Variants in CGAS observed in about 807,000 individuals in gnomAD.
The protein encoded by CGAS is cyclic GMP-AMP synthase.
A neutral mutation model predicts 34.0 loss-of-function variants in CGAS; 31 were observed. The observed-to-expected ratio is 0.91, with a 90% CI of 0.69 to 1.23. The LOEUF (loss-of-function observed/expected upper bound fraction) is 1.23, where lower values mean the gene tolerates loss of function less well. CGAS is among the 50% of genes most tolerant of loss of function. The probability of loss-of-function intolerance (pLI) is 0.00; values close to 1 mark genes in which losing one functional copy is unlikely to be tolerated. For synonymous variants in CGAS, 266 were observed against 260.0 expected (o/e 1.02, Z -0.22); for missense variants, 597 against 657.6 (o/e 0.91, Z 1.01).
chr6:73,449,846 T>C (rs1243404949), intron 1 of CGAS, among the ~76,000 whole-genome samples: 1 of 151,472 alleles, frequency 6.6e-6, no homozygotes, highest in East Asian at 2.0e-4. Context: ...AATACATAAA[T>C]TAGCCGGGAG....
intron 3 of CGAS, among the ~76,000 whole-genome samples, chr6:73,435,981 G>T (rs1176046453): frequency 6.6e-6 from 1 of 151,914 alleles, no homozygotes; most frequent in African/African-American, 2.4e-5. Flanking sequence ...TAAGATAAAA[G>T]GACAGTCAAA....
chr6:73,449,644 A>G (rs1384019569), intron 1 of CGAS, among the ~76,000 whole-genome samples: 1 of 152,210 alleles, frequency 6.6e-6, no homozygotes, highest in African/African-American at 2.4e-5. Context: ...ATCATGCTCA[A>G]TCAGAGACAT....
At chr6:73,425,927 T>C (rs1770078529) in intron 4 of CGAS, among the ~76,000 whole-genome samples, 1 of 151,836 alleles carries the variant, frequency 6.6e-6, no homozygotes, top group Non-Finnish European at 1.5e-5. Flanking sequence ...TGAGCCAAGA[T>C]CGCGTCATTG....
rs1337026332 is a variant in CGAS at position 73,451,818 on chromosome 6, G to A, written c.364C>T (p.Arg122Cys). 2 of 1,557,252 alleles carry A rather than the reference G, an allele frequency of 1.3e-6. No homozygotes were observed. Among genetic ancestry groups the A allele is most frequent in the Non-Finnish European group, 1.7e-6 (2 of 1,151,794 alleles). Residue 122 changes from arginine (R) to cysteine (C), a missense_variant, in exon 1 of 5, where the codon CGC becomes TGC. By Grantham distance (180) the Arg-to-Cys change is radical. Transcript: ENST00000370315. ...GTGGAGCAGCGCGCGCCCCTCTGGC[G>A]GCAAGAACCAGCCCTGGAAAGAGCC... ...EPALSRAGSC[R>C]QRGARCSTKP...
intron 4 of CGAS, among the ~76,000 whole-genome samples, chr6:73,427,876 G>A (rs1405076896): frequency 6.6e-6 from 1 of 151,882 alleles, no homozygotes; most frequent in East Asian, 2.0e-4. Context: ...GCAGTGGCAC[G>A]ATCATGGCTC....
chr6:73,440,124 G>T, intron 3 of CGAS, 85 bp downstream of exon 3: 4 of 1,201,816 alleles, frequency 3.3e-6, no homozygotes, highest in Non-Finnish European at 4.6e-6. Flanking sequence ...CAACAGCATT[G>T]GTTGGCTGTT....
At chr6:73,445,853 G>C in intron 1 of CGAS, 106 bp from the exon 2 acceptor site, 1 of 790,642 alleles carries the variant, frequency 1.3e-6, no homozygotes, top group South Asian at 1.9e-5. Context: ...TAAAAAGCAA[G>C]ATTCATAATG....
chr6:73,424,529 C>CT lies in CGAS; in HGVS notation c.*697dup, dbSNP rs1480481438. On this transcript the variant is annotated 3_prime_UTR_variant, in exon 5 of 5. Transcript: ENST00000370315. The stretch of plus-strand genomic sequence containing the variant: ...ATGAATTTAATTAAGGCAATATGTA[C>CT]TTTATCTTTTTTTATTCCAACCTAA... 5 of 151,418 alleles carry CT rather than the reference C, an allele frequency of 3.3e-5. No homozygotes were observed. Among genetic ancestry groups the CT allele is most frequent in the Non-Finnish European group, 7.4e-5 (5 of 67,894 alleles). 9.4% of individuals were successfully genotyped at this position (151,418 alleles called of 1,614,324 possible).
In CGAS at chr6:73,451,793, G is replaced by A. The variant is rs1414049930; in HGVS notation, c.389C>T (p.Thr130Met). 1 of 1,575,146 alleles carries A rather than the reference G, an allele frequency of 6.3e-7. No individual in the cohort carries two copies. Among genetic ancestry groups the A allele is most frequent in the Non-Finnish European group, 8.6e-7 (1 of 1,161,824 alleles). The change falls in exon 1 of 5, where the codon ACG (threonine) becomes ATG (methionine). Residue 130 changes from threonine to methionine, a missense_variant. Physicochemically the swap from Thr to Met is moderately conservative, Grantham distance 81. Around this residue, in one of 3 missense-constraint regions of CGAS, gnomAD observed 321 missense variants for 314.3 expected, o/e 1.02. Coordinates refer to ENST00000370315, the MANE Select transcript of CGAS (RefSeq NM_138441.3). ...GGGCCCGGGCGGAGGTCTTGGCTTC[G>A]TGGAGCAGCGCGCGCCCCTCTGGCG... ...SCRQRGARCSTKPRPPPGPWD... is the reference protein window; with the variant it reads ...SCRQRGARCSMKPRPPPGPWD...
In CGAS at chr6:73,425,375, C is replaced by T. The variant is rs778913574; in HGVS notation, c.1421G>A (p.Cys474Tyr). 4.3e-6 allele frequency: 7 copies of T among 1,613,098 alleles called. No individual in the cohort carries two copies. Among genetic ancestry groups the T allele is most frequent in the Non-Finnish European group, 5.9e-6 (7 of 1,179,880 alleles). ...ATTCTCAAGTTTTTCTGTCCTGAGG[C>T]ACTGAAGAAAGTATGTCACGCAGTT... ...FDNCVTYFLQ[C>Y]LRTEKLENYF... The change falls in exon 5 of 5, where the codon TGC becomes TAC. Residue 474 changes from cysteine (C) to tyrosine (Y), a missense_variant. By Grantham distance (194) the Cys-to-Tyr change is radical. This residue lies in a region of CGAS where 271 missense variants were observed against 324.1 expected (regional missense o/e 0.84). Transcript: ENST00000370315.
chr6:73,446,734 CAAAAAAAAAAAAAA>C lies in CGAS; in HGVS notation c.658-1001_658-988del, dbSNP rs1195262271. 8.0e-3 allele frequency among the ~76,000 whole-genome samples: 4 copies of C among 502 alleles called. 1 individual carries two copies. In the East Asian group the frequency reaches 0.5, roughly 63 times the overall value. The allele number at this position is 502 out of a possible 152,430, so 0.3% of individuals were successfully genotyped here. A position where few individuals can be genotyped will look rare whatever the true frequency, so the allele number is the denominator to read the frequency against. On this transcript the variant is annotated intron_variant, in intron 1 of 4. Transcript: ENST00000370315. The stretch of plus-strand genomic sequence containing the variant: ...GGGGCGACAGAGCGAGACTCCGTCT[CAAAAAAAAAAAAAA>C]AAAAAAAAAAAAAAAAATCGTCCTT...
At chr6:73,436,524 C>A (rs1206098903) in intron 3 of CGAS, among the ~76,000 whole-genome samples, 3 of 99,204 alleles carry the variant, frequency 3.0e-5, no homozygotes, top group African/African-American at 7.3e-5. Flanking sequence ...AAAAGGGACA[C>A]CTTTTTCTTT....
At chr6:73,447,057 A>G (rs993791283) in intron 1 of CGAS, among the ~76,000 whole-genome samples, 1 of 152,254 alleles carries the variant, frequency 6.6e-6, no homozygotes, top group Non-Finnish European at 1.5e-5. Context: ...CTCCGTCTCA[A>G]AAAATAAATG....
chr6:73,450,415 CAAAA>C (rs538531836), intron 1 of CGAS, among the ~76,000 whole-genome samples: 1 of 84,114 alleles, frequency 1.2e-5, no homozygotes, highest in Non-Finnish European at 2.5e-5. Context: ...AACTCCGTCT[CAAAA>C]AAAAAAAAAA....
chr6:73,447,264 A>G (rs958570716), intron 1 of CGAS, among the ~76,000 whole-genome samples: 1 of 152,044 alleles, frequency 6.6e-6, no homozygotes, highest in African/African-American at 2.4e-5. Context: ...TTGATTTTTA[A>G]ATTGTTTTTC....
intron 1 of CGAS, among the ~76,000 whole-genome samples, chr6:73,447,383 A>G (rs1165274000): frequency 6.6e-6 from 1 of 152,078 alleles, no homozygotes; most frequent in African/African-American, 2.4e-5. Flanking sequence ...TCCTGGGCTC[A>G]AGCAATTCTC....
At chr6:73,430,923 G>A (rs1582650459) in intron 3 of CGAS, among the ~76,000 whole-genome samples, 1 of 151,706 alleles carries the variant, frequency 6.6e-6, no homozygotes, top group Non-Finnish European at 1.5e-5. Context: ...CAAACATGGC[G>A]AAACTCCGTC....
At chr6:73,451,095 G>T (rs1582659576) in intron 1 of CGAS, among the ~76,000 whole-genome samples, 1 of 152,056 alleles carries the variant, frequency 6.6e-6, no homozygotes. Flanking sequence ...AGAAACTGAA[G>T]ATCTTTTTTT....
intron 1 of CGAS, 69 bp downstream of exon 1, chr6:73,451,456 G>A (rs1200623647): frequency 4.8e-6 from 7 of 1,455,300 alleles, no homozygotes; most frequent in Middle Eastern, 1.9e-4. Flanking sequence ...GCGACCCGGG[G>A]AAGGTAGGGA....
Sources: gnomAD v4.1 joint callset for allele counts (sites outside exome capture counted in the v4.1 genomes callset) on GRCh38, gnomAD v4.1.1 for gene constraint, gnomAD v4.1.1 regional missense constraint, MANE v1.5 for transcripts, NCBI Gene and HGNC (gene_info 2026-07-23, HGNC 2026-07-21) for gene names.